The following AK5 variants were observed in gnomAD, a reference collection of about 807,000 sequenced individuals.
AK5 encodes the protein adenylate kinase isoenzyme 5.
A neutral mutation model predicts 69.5 loss-of-function variants in AK5; 27 were observed. That is an observed-to-expected ratio of 0.39 (90% CI 0.29 to 0.54). AK5 has a LOEUF of 0.54. AK5 is among the 20% of genes least tolerant of loss of function. AK5 has a pLI of 0.71. For synonymous variants in AK5, 260 were observed against 244.4 expected, an observed-to-expected ratio of 1.06 and a Z score of -0.60; for missense variants, 531 against 700.4, an observed-to-expected ratio of 0.76 and a Z score of 2.73.
intron 8 of AK5, among the ~76,000 whole-genome samples, chr1:77,444,769 G>T (rs1238905578): frequency 6.7e-6 from 1 of 148,262 alleles, no homozygotes; most frequent in African/African-American, 2.5e-5. Context: ...TGGGGGGAGG[G>T]TCTCACTTTC....
intron 12 of AK5, 129 bp downstream of exon 12, chr1:77,522,072 A>G: frequency 1.5e-6 from 1 of 689,554 alleles, no homozygotes; most frequent in Non-Finnish European, 2.4e-6. Context: ...AACTTGACTC[A>G]AACTAGAAAT....
intron 6 of AK5, among the ~76,000 whole-genome samples, chr1:77,354,304 G>A (rs1460890907): frequency 1.3e-5 from 2 of 152,030 alleles, no homozygotes; most frequent in African/African-American, 2.4e-5. Context: ...TTCTTTTTAG[G>A]CAATTATTCT....
intron 8 of AK5, among the ~76,000 whole-genome samples, chr1:77,466,573 C>T (rs1485358407): frequency 6.6e-6 from 1 of 152,202 alleles, no homozygotes; most frequent in Non-Finnish European, 1.5e-5. Flanking sequence ...AACCTAGTGA[C>T]TTAGCCCATT....
At chr1:77,522,041 A>G in intron 12 of AK5, 98 bp downstream of exon 12, 1 of 970,700 alleles carries the variant, frequency 1.0e-6, no homozygotes, top group Non-Finnish European at 1.5e-6. Flanking sequence ...AATTACATTA[A>G]TGAAAACTTT....
intron 5 of AK5, chr1:77,313,938 AC>A (rs1403064443): frequency 2.0e-6 from 1 of 503,236 alleles, no homozygotes; most frequent in African/African-American, 1.9e-5. Flanking sequence ...TCTGCCTGCC[AC>A]ATATCTTCCT....
intron 5 of AK5, among the ~76,000 whole-genome samples, chr1:77,323,114 A>T (rs1369895666): frequency 6.6e-6 from 1 of 151,712 alleles, no homozygotes; most frequent in East Asian, 1.9e-4. Context: ...CAGCCTCCTC[A>T]AGTAGCTGCG....
At chr1:77,540,336 G>T (rs1659199543) in intron 13 of AK5, among the ~76,000 whole-genome samples, 1 of 152,314 alleles carries the variant, frequency 6.6e-6, no homozygotes, top group African/African-American at 2.4e-5. Flanking sequence ...GCAGAGGTTT[G>T]CCCTGCATCT....
intron 12 of AK5, among the ~76,000 whole-genome samples, chr1:77,533,042 A>T (rs936037174): frequency 6.6e-6 from 1 of 152,212 alleles, no homozygotes; most frequent in African/African-American, 2.4e-5. Context: ...TTAAAAACAA[A>T]TGGTTCAGGT....
At chr1:77,466,266 C>A (rs1399421722) in intron 8 of AK5, among the ~76,000 whole-genome samples, 2 of 152,176 alleles carry the variant, frequency 1.3e-5, no homozygotes, top group African/African-American at 4.8e-5. Context: ...CTTCCCTTCT[C>A]CACTTGCCCA....
intron 8 of AK5, among the ~76,000 whole-genome samples, chr1:77,476,611 T>C (rs1462918580): frequency 6.6e-6 from 1 of 152,176 alleles, no homozygotes; most frequent in Non-Finnish European, 1.5e-5. Flanking sequence ...TACTCCGTCA[T>C]CCTGCACTTA....
chr1:77,396,050 A>G (rs1022079477), intron 6 of AK5, among the ~76,000 whole-genome samples: 1 of 152,238 alleles, frequency 6.6e-6, no homozygotes, highest in East Asian at 1.9e-4. Flanking sequence ...TGTATGATCC[A>G]CAATTCAGAA....
intron 8 of AK5, among the ~76,000 whole-genome samples, chr1:77,463,667 G>A (rs574774566): frequency 6.6e-6 from 1 of 152,186 alleles, no homozygotes; most frequent in East Asian, 1.9e-4. Context: ...TGTGGAACTG[G>A]GTGTGGAAAG....
chr1:77,432,611 T>A (rs1053229044), intron 8 of AK5, among the ~76,000 whole-genome samples: 7 of 152,210 alleles, frequency 4.6e-5, no homozygotes, highest in African/African-American at 1.7e-4. Flanking sequence ...AACAATTGAA[T>A]AAAGCAAATG....
At chr1:77,293,640 A>C (rs1658812412) in intron 2 of AK5, 153 bp from the exon 3 acceptor site, 1 of 623,402 alleles carries the variant, frequency 1.6e-6, no homozygotes, top group Admixed American at 3.6e-5. Context: ...GACCCTTTAC[A>C]ATAAAGCCTG....
chr1:77,455,611 G>C (rs998962381), intron 8 of AK5, among the ~76,000 whole-genome samples: 2 of 152,104 alleles, frequency 1.3e-5, no homozygotes, highest in African/African-American at 2.4e-5. Context: ...CATCCAGAAC[G>C]GTGAGCTATA....
At chr1:77,427,527 C>T (rs1323248740) in intron 8 of AK5, among the ~76,000 whole-genome samples, 1 of 152,094 alleles carries the variant, frequency 6.6e-6, no homozygotes, top group Admixed American at 6.5e-5. Context: ...TCTAGGTTCA[C>T]TGGTGAATTT....
chr1:77,519,446 C>G (rs1005615745), intron 11 of AK5, among the ~76,000 whole-genome samples: 1 of 152,190 alleles, frequency 6.6e-6, no homozygotes, highest in African/African-American at 2.4e-5. Context: ...CCTAAAGTCT[C>G]CTCTTTTCAC....
At chr1:77,533,855 A>G (rs1042769397) in intron 12 of AK5, among the ~76,000 whole-genome samples, 6 of 152,074 alleles carry the variant, frequency 3.9e-5, no homozygotes, top group African/African-American at 9.7e-5. Flanking sequence ...CAGGGAGAAC[A>G]TTAAGCCGCC....
At chr1:77,390,160 G>C (rs895935497) in intron 6 of AK5, among the ~76,000 whole-genome samples, 1 of 152,106 alleles carries the variant, frequency 6.6e-6, no homozygotes, top group African/African-American at 2.4e-5. Context: ...TAAGAGACCT[G>C]CAGAATATTA....
Sources: gnomAD v4.1 joint callset for allele counts (sites outside exome capture counted in the v4.1 genomes callset) on GRCh38, gnomAD v4.1.1 for gene constraint, MANE v1.5 for transcripts, NCBI Gene and HGNC (gene_info 2026-07-23, HGNC 2026-07-21) for gene names.